Variants in KCNMA1 observed in about 807,000 individuals in gnomAD.
The protein encoded by KCNMA1 is potassium calcium-activated channel subfamily M alpha 1.
In KCNMA1, 29 loss-of-function variants were observed where a neutral mutation model predicts 140.0. The ratio of observed to expected loss-of-function variants is 0.21; its 90% CI spans 0.15 to 0.28. KCNMA1 has a LOEUF of 0.28. KCNMA1 is among the 10% of genes least tolerant of loss of function. The pLI, the probability that KCNMA1 is intolerant of heterozygous loss-of-function variation, is 1.00. For synonymous variants in KCNMA1, 612 were observed against 611.9 expected (o/e 1.00, Z 0.00); for missense variants, 880 against 1,602.2 (o/e 0.55, Z 7.70).
At chr10:77,400,878 G>A (rs560673176) in intron 2 of KCNMA1, among the ~76,000 whole-genome samples, 3 of 152,082 alleles carry the variant, frequency 2.0e-5, no homozygotes, top group Non-Finnish European at 4.4e-5. Context: ...CAAGGTGGCC[G>A]CTGGGTGTGC....
intron 2 of KCNMA1, among the ~76,000 whole-genome samples, chr10:77,261,092 A>G (rs955862884): frequency 2.6e-5 from 4 of 152,112 alleles, no homozygotes; most frequent in Non-Finnish European, 4.4e-5. Flanking sequence ...ATCAGTATTT[A>G]TTAACCACCT....
At chr10:77,612,742 G>A (rs1211727823) in intron 1 of KCNMA1, among the ~76,000 whole-genome samples, 1 of 151,966 alleles carries the variant, frequency 6.6e-6, no homozygotes, top group East Asian at 1.9e-4. Context: ...TCCAATGTGG[G>A]GGTACCTTCC....
intron 1 of KCNMA1, among the ~76,000 whole-genome samples, chr10:77,592,518 T>A: frequency 6.6e-6 from 1 of 152,188 alleles, no homozygotes; most frequent in East Asian, 1.9e-4. Context: ...CTGTACTAAT[T>A]TGCAAATTTT....
At chr10:77,587,784 T>G (rs763985383) in intron 1 of KCNMA1, 18 of 985,388 alleles carry the variant, frequency 1.8e-5, no homozygotes, top group Non-Finnish European at 2.2e-5. Context: ...AAACACTTAC[T>G]GAGCGCCTAT....
At position 77,441,717 on chromosome 10, in the gene KCNMA1, C is replaced by T. The variant is rs183724858; in HGVS notation, c.379-37694G>A. Among the ~76,000 whole-genome samples, 8 of 152,286 alleles carry T rather than the reference C, an allele frequency of 5.3e-5. No individual in the cohort carries two copies. The South Asian group carries it at 6.2e-4, about 12-fold the overall frequency. On this transcript the variant is annotated intron_variant, in intron 1 of 27. Coordinates refer to ENST00000286628, the MANE Select transcript of KCNMA1 (RefSeq NM_001161352.2). ...CTCTTCCCTCCTGTTAACCACTCTG[C>T]GACCCTGCAGACTCACCATATGGTC...
At position 77,403,987 on chromosome 10, in the gene KCNMA1, C is replaced by T. The variant is rs2096374339; in HGVS notation, c.415G>A (p.Asp139Asn). Residue 139 changes from aspartate (D) to asparagine (N), a missense_variant, in exon 2 of 28, where the codon GAT (aspartate) becomes AAT (asparagine). By Grantham distance (23) the Asp-to-Asn change is conservative. Coordinates refer to ENST00000286628, the MANE Select transcript of KCNMA1 (RefSeq NM_001161352.2). Reference protein sequence around the residue: ...QKINNGSSQADGTLKPVDEKE... With the variant: ...QKINNGSSQANGTLKPVDEKE... The stretch of plus-strand genomic sequence containing the variant: ...TCATCCACTGGTTTGAGAGTGCCAT[C>T]CGCCTGGCTTGAGCCATTGTTAATC... The T allele has an allele frequency of 6.2e-7, 1 of 1,614,170 alleles. No homozygotes were observed. The highest frequency in any genetic ancestry group is 8.5e-7 in the Non-Finnish European group (1 of 1,180,046).
chr10:77,095,815 C>T lies in KCNMA1; in HGVS notation c.1224-5305G>A, dbSNP rs145246889. ...AGAACTTCAGTTTCAGAGCTCAATT[C>T]CACAGGTACACAGGACAACCTAGGG... On this transcript the variant is annotated intron_variant, in intron 9 of 27. Coordinates refer to ENST00000286628, the MANE Select transcript of KCNMA1 (RefSeq NM_001161352.2). 9.9e-5 allele frequency among the ~76,000 whole-genome samples: 15 copies of T among 152,248 alleles called. No homozygotes were observed. In the East Asian group the frequency reaches 2.7e-3, roughly 27 times the overall value.
intron 13 of KCNMA1, 76 bp from the exon 14 acceptor site, chr10:77,073,328 A>T: frequency 1.4e-6 from 2 of 1,463,264 alleles, no homozygotes; most frequent in Non-Finnish European, 1.9e-6. Context: ...TGGGAAATGC[A>T]GCATTGCCCA....
chr10:76,910,152 C>A, intron 24 of KCNMA1, 56 bp from the exon 25 acceptor site: 1 of 1,594,686 alleles, frequency 6.3e-7, no homozygotes, highest in Non-Finnish European at 8.6e-7. Context: ...GGCATTGAAG[C>A]CAGAGGGAGA....
intron 1 of KCNMA1, among the ~76,000 whole-genome samples, chr10:77,554,638 A>G (rs541663134): frequency 6.6e-6 from 1 of 151,598 alleles, no homozygotes; most frequent in South Asian, 2.1e-4. Context: ...AAAAGAAAAG[A>G]AAGAAAGAGA....
intron 1 of KCNMA1, among the ~76,000 whole-genome samples, chr10:77,505,508 A>G (rs1189141642): frequency 6.6e-6 from 1 of 152,244 alleles, no homozygotes; most frequent in African/African-American, 2.4e-5. Flanking sequence ...GGGGAAGCTC[A>G]TTAGTTAGAG....
chr10:77,613,195 A>T (rs2087672525), intron 1 of KCNMA1, among the ~76,000 whole-genome samples: 1 of 152,216 alleles, frequency 6.6e-6, no homozygotes, highest in Non-Finnish European at 1.5e-5. Flanking sequence ...TAAAGTGGCC[A>T]GCTCAGAATG....
At chr10:77,105,729 G>T (rs2097186280) in intron 9 of KCNMA1, among the ~76,000 whole-genome samples, 1 of 152,156 alleles carries the variant, frequency 6.6e-6, no homozygotes, top group Non-Finnish European at 1.5e-5. Context: ...AAGTTTAGCT[G>T]CTTTCCTTTT....
intron 9 of KCNMA1, among the ~76,000 whole-genome samples, chr10:77,104,829 G>A (rs1303282628): frequency 6.6e-6 from 1 of 152,234 alleles, no homozygotes; most frequent in Admixed American, 6.5e-5. Flanking sequence ...GGGGCTGTGA[G>A]AGGGAGGAGA....
rs967351431 is a variant in KCNMA1 at position 77,085,803 on chromosome 10, C to A, written c.1440+685G>T. 1.5e-3 allele frequency among the ~76,000 whole-genome samples: 229 copies of A among 152,232 alleles called. 1 individual carries two copies. The highest frequency in any genetic ancestry group is 4.6e-3 in the African/African-American group (189 of 41,528). ...AGTGAATTCATTATATTAATGTACA[C>A]CCCCTGGCATGCAAATATTGAACAT... On this transcript the variant is annotated intron_variant, in intron 11 of 27. Coordinates refer to ENST00000286628, the MANE Select transcript of KCNMA1 (RefSeq NM_001161352.2).
chr10:77,232,845 T>A (rs983439176), intron 3 of KCNMA1, among the ~76,000 whole-genome samples: 2 of 151,898 alleles, frequency 1.3e-5, no homozygotes, highest in East Asian at 3.9e-4. Context: ...AAGAGTCCAA[T>A]TTTATTATTT....
At chr10:77,091,875 A>C (rs993343165) in intron 9 of KCNMA1, 22 of 152,258 alleles carry the variant, frequency 1.4e-4, no homozygotes, top group Admixed American at 1.4e-3. Flanking sequence ...TTGACTAAGT[A>C]TGTGAGAATA....
chr10:77,200,569 T>C (rs1214314883), intron 3 of KCNMA1, among the ~76,000 whole-genome samples: 1 of 151,876 alleles, frequency 6.6e-6, no homozygotes. Flanking sequence ...TTCTCTCTCC[T>C]ACCACGGCCC....
At chr10:77,132,285 C>T (rs2097879232) in intron 5 of KCNMA1, among the ~76,000 whole-genome samples, 1 of 152,016 alleles carries the variant, frequency 6.6e-6, no homozygotes, top group African/African-American at 2.4e-5. Context: ...GAGGGCTGAA[C>T]TATCACACAG....
Sources: allele counts gnomAD v4.1 joint callset (sites outside exome capture counted in the v4.1 genomes callset), GRCh38; gene constraint gnomAD v4.1.1; transcripts MANE v1.5; gene names NCBI Gene and HGNC (gene_info 2026-07-23, HGNC 2026-07-21).